Variants in PCNX1 observed in about 807,000 individuals in gnomAD.
PCNX1 encodes the protein pecanex 1.
In PCNX1, 78 loss-of-function variants were observed where a neutral mutation model predicts 242.2. The ratio of observed to expected loss-of-function variants is 0.32; its 90% CI spans 0.27 to 0.39. The LOEUF (loss-of-function observed/expected upper bound fraction) is 0.39, where lower values mean the gene tolerates loss of function less well. PCNX1 is among the 10% of genes least tolerant of loss of function. PCNX1 has a pLI of 1.00. For missense variants in PCNX1, 2,581 were observed against 2,856.5 expected, an observed-to-expected ratio of 0.90 and a Z score of 2.20; for synonymous variants, 1,024 against 1,032.9, an observed-to-expected ratio of 0.99 and a Z score of 0.17.
intron 23 of PCNX1, among the ~76,000 whole-genome samples, chr14:71,051,023 C>T (rs1367192176): frequency 2.7e-5 from 4 of 149,926 alleles, no homozygotes; most frequent in African/African-American, 9.7e-5. Context: ...ACTAAATGAG[C>T]CGGGTGTGGT....
intron 1 of PCNX1, among the ~76,000 whole-genome samples, chr14:70,922,675 CTCT>C (rs985945379): frequency 5.3e-5 from 8 of 151,450 alleles, no homozygotes; most frequent in Admixed American, 2.0e-4. Context: ...GTGCATGTAA[CTCT>C]TCTTCATTTT....
At chr14:70,945,152 A>G (rs2057406887) in intron 1 of PCNX1, among the ~76,000 whole-genome samples, 1 of 152,128 alleles carries the variant, frequency 6.6e-6, no homozygotes, top group Non-Finnish European at 1.5e-5. Context: ...TCCTGAGGCT[A>G]TCCAGGAGTC....
chr14:70,932,994 G>T (rs1022848693), intron 1 of PCNX1, among the ~76,000 whole-genome samples: 60 of 152,198 alleles, frequency 3.9e-4, no homozygotes, highest in African/African-American at 1.4e-3. Context: ...GTTTTCTAGT[G>T]TAAACTGATA....
At chr14:70,965,128 C>G (rs1488973977) in intron 3 of PCNX1, among the ~76,000 whole-genome samples, 1 of 152,138 alleles carries the variant, frequency 6.6e-6, no homozygotes, top group Non-Finnish European at 1.5e-5. Context: ...TGTTACTATT[C>G]TTTCCTTCAC....
intron 1 of PCNX1, among the ~76,000 whole-genome samples, chr14:70,934,794 T>C (rs2056936215): frequency 6.6e-6 from 1 of 152,146 alleles, no homozygotes; most frequent in Non-Finnish European, 1.5e-5. Flanking sequence ...TGTTGTTTAA[T>C]AGATAGAGGG....
intron 26 of PCNX1, among the ~76,000 whole-genome samples, chr14:71,062,682 A>ATAATT (rs58875417): frequency 0.049 from 7,383 of 152,120 alleles, 559 homozygotes; most frequent in African/African-American, 0.17. Flanking sequence ...ATTGGAGAAA[A>ATAATT]TAATTAATTT....
intron 19 of PCNX1, among the ~76,000 whole-genome samples, chr14:71,043,517 T>C (rs1300586346): frequency 2.9e-5 from 4 of 139,768 alleles, no homozygotes; most frequent in Admixed American, 7.0e-5. Context: ...CTCCCTCCCT[T>C]CCTTCCTTCC....
chr14:70,974,581 A>G (rs1459147648), intron 5 of PCNX1, among the ~76,000 whole-genome samples: 1 of 152,224 alleles, frequency 6.6e-6, no homozygotes, highest in Non-Finnish European at 1.5e-5. Context: ...AAGAACTTTT[A>G]TAATAAGGTG....
At chr14:70,945,242 A>T (rs527536372) in intron 1 of PCNX1, among the ~76,000 whole-genome samples, 1 of 152,344 alleles carries the variant, frequency 6.6e-6, no homozygotes, top group Admixed American at 6.5e-5. Context: ...TTTTGCCAGA[A>T]AATGGGGATG....
intron 5 of PCNX1, among the ~76,000 whole-genome samples, chr14:70,974,119 T>C (rs1044336926): frequency 3.3e-5 from 5 of 151,944 alleles, no homozygotes; most frequent in Non-Finnish European, 7.4e-5. Flanking sequence ...CTGGCATGTA[T>C]CAGGATGTTA....
intron 30 of PCNX1, among the ~76,000 whole-genome samples, chr14:71,098,153 CTT>C (rs1275512318): frequency 7.9e-5 from 12 of 152,106 alleles, no homozygotes; most frequent in Admixed American, 7.2e-4. Context: ...GTATGTCTGT[CTT>C]TTACCAGTAC....
chr14:71,018,661 T>G (rs550038738), intron 11 of PCNX1, among the ~76,000 whole-genome samples: 1 of 152,298 alleles, frequency 6.6e-6, no homozygotes, highest in East Asian at 1.9e-4. Flanking sequence ...ATTCTTTGTA[T>G]ACATATTTTA....
At chr14:70,976,483 C>T (rs1215239385) in intron 5 of PCNX1, among the ~76,000 whole-genome samples, 1 of 151,828 alleles carries the variant, frequency 6.6e-6, no homozygotes, top group Non-Finnish European at 1.5e-5. Context: ...CACCATTCTC[C>T]TGCCTCAGCC....
intron 19 of PCNX1, among the ~76,000 whole-genome samples, chr14:71,041,076 G>A (rs1247028589): frequency 6.6e-6 from 1 of 152,042 alleles, no homozygotes; most frequent in Non-Finnish European, 1.5e-5. Flanking sequence ...TCATTCATCT[G>A]TTGATGGACG....
chr14:71,045,182 T>C lies in PCNX1; in HGVS notation c.3917T>C (p.Val1306Ala). Residue 1306 changes from valine (V) to alanine (A), a missense_variant, in exon 20 of 36, where the codon GTA becomes GCA. By Grantham distance (64) the Val-to-Ala change is moderately conservative. Coordinates refer to ENST00000304743, the MANE Select transcript of PCNX1 (RefSeq NM_014982.3). ...ACATTGGTTGGCTTTGTGGGTTTTG[T>C]AACCCATTATGTGCTGCCTCAAGTT... ...LYTLVGFVGF[V>A]THYVLPQVRK... The C allele has an allele frequency of 6.2e-7, 1 of 1,612,344 alleles. No individual in the cohort carries two copies. The highest frequency in any genetic ancestry group is 8.5e-7 in the Non-Finnish European group (1 of 1,178,580).
At position 71,012,966 on chromosome 14, in the gene PCNX1, A is replaced by G. The variant is rs2059864299; in HGVS notation, c.2779-19A>G. The G allele has an allele frequency of 6.6e-6, 10 of 1,524,582 alleles. No individual in the cohort carries two copies. The highest frequency in any genetic ancestry group is 1.7e-4 in the Middle Eastern group (1 of 5,902). 94.4% of individuals were successfully genotyped at this position (1,524,582 alleles called of 1,614,324 possible). ...ATATTGAAGATATTTTAAGCCTTTC[A>G]ATGCTGACTTTCTTTTAGCTCTCTC... On this transcript the variant is annotated intron_variant, in intron 10 of 35. Coordinates refer to ENST00000304743, the MANE Select transcript of PCNX1 (RefSeq NM_014982.3).
intron 19 of PCNX1, among the ~76,000 whole-genome samples, chr14:71,040,336 A>G (rs1367259227): frequency 6.6e-6 from 1 of 152,140 alleles, no homozygotes; most frequent in Non-Finnish European, 1.5e-5. Flanking sequence ...TTCTGACTGA[A>G]TTTATTGCTA....
chr14:70,928,577 T>G (rs189835982), intron 1 of PCNX1, among the ~76,000 whole-genome samples: 7 of 152,364 alleles, frequency 4.6e-5, no homozygotes, highest in Admixed American at 3.9e-4. Context: ...AAGGAAATAT[T>G]AATGAAGATA....
At chr14:70,985,783 G>A (rs2058983579) in intron 6 of PCNX1, among the ~76,000 whole-genome samples, 1 of 151,986 alleles carries the variant, frequency 6.6e-6, no homozygotes. Context: ...TCTTACTATT[G>A]AATTAATTTC....
Sources: gnomAD v4.1 joint callset for allele counts (sites outside exome capture counted in the v4.1 genomes callset) on GRCh38, gnomAD v4.1.1 for gene constraint, MANE v1.5 for transcripts, NCBI Gene and HGNC (gene_info 2026-07-23, HGNC 2026-07-21) for gene names.